Variants in B4GALT4 observed in about 807,000 individuals in gnomAD.
The protein encoded by B4GALT4 is beta-1,4-galactosyltransferase 4, also known as N-acetyllactosamine synthase.
A neutral mutation model predicts 37.3 loss-of-function variants in B4GALT4; 27 were observed. The observed-to-expected ratio is 0.72, with a 90% confidence interval of 0.53 to 1.00. B4GALT4 has a LOEUF of 1.00. B4GALT4 is among the 50% of genes least tolerant of loss of function. B4GALT4 has a pLI of 0.00. For synonymous variants in B4GALT4, 148 were observed against 154.1 expected (o/e 0.96, Z 0.29); for missense variants, 372 against 413.1 (o/e 0.90, Z 0.86).
intron 6 of B4GALT4, 111 bp from the exon 7 acceptor site, chr3:119,216,455 C>T (rs112212482): frequency 0.062 from 22,030 of 356,060 alleles, 644 homozygotes; most frequent in Middle Eastern, 0.093. Flanking sequence ...TACACACACA[C>T]ACACACACAC....
intron 5 of B4GALT4, among the ~76,000 whole-genome samples, chr3:119,219,252 G>A (rs866450887): frequency 2.0e-5 from 3 of 152,032 alleles, no homozygotes; most frequent in Non-Finnish European, 2.9e-5. Context: ...GACAGCTCCC[G>A]CACACACTCT....
chr3:119,212,248 A>G lies in B4GALT4; in HGVS notation c.*301T>C, dbSNP rs1290535163. On this transcript the variant is annotated 3_prime_UTR_variant, in exon 8 of 8. Transcript: ENST00000393765. ...TTCAAATTTAAATAAATCTCCTTCA[A>G]CCAGAGTCCTCAAATAGCGTTCATT... The G allele has an allele frequency of 5.7e-6, 4 of 702,606 alleles. No homozygotes were observed. The highest frequency in any genetic ancestry group is 1.7e-5 in the African/African-American group (1 of 57,202). The allele number at this position is 702,606 out of a possible 1,614,324, so 43.5% of individuals were successfully genotyped here.
intron 2 of B4GALT4, among the ~76,000 whole-genome samples, chr3:119,231,605 C>T (rs1436059857): frequency 1.3e-5 from 2 of 151,476 alleles, no homozygotes; most frequent in Admixed American, 6.6e-5. Context: ...ACAATATATA[C>T]AATTAAGGAA....
chr3:119,212,431 T>C lies in B4GALT4; in HGVS notation c.*118A>G, dbSNP rs2078183552. The C allele has an allele frequency of 1.9e-6, 2 of 1,075,068 alleles. No individual in the cohort carries two copies. The highest frequency in any genetic ancestry group is 2.1e-4 in the Middle Eastern group (1 of 4,782). The allele number at this position is 1,075,068 out of a possible 1,614,324, so 66.6% of individuals were successfully genotyped here. On this transcript the variant is annotated 3_prime_UTR_variant, in exon 8 of 8. Coordinates refer to ENST00000393765, the MANE Select transcript of B4GALT4 (RefSeq NM_003778.4). ...GCTAAGAAAATACAAAAAGGAAAAA[T>C]TCAGCTCAACAATGAGCTGTAACAG... is the stretch of plus-strand genomic sequence containing the variant.
At chr3:119,228,765 T>A (rs570729032) in intron 3 of B4GALT4, among the ~76,000 whole-genome samples, 1 of 146,322 alleles carries the variant, frequency 6.8e-6, no homozygotes, top group East Asian at 2.0e-4. Context: ...CTCTGGGAAG[T>A]AACTAGGTTT....
chr3:119,216,429 TACACACACACGCACATACACACACACAC>T (rs1195182226), intron 6 of B4GALT4, 85 bp from the exon 7 acceptor site: 10 of 595,750 alleles, frequency 1.7e-5, no homozygotes, highest in Middle Eastern at 4.0e-4. Flanking sequence ...CGAAAATTTA[TACACACACACGCACATACACACACACAC>T]ACACACACAC....
In B4GALT4 at chr3:119,221,220, T is replaced by C. The variant is rs78738368; in HGVS notation, c.675-2448A>G. On this transcript the variant is annotated intron_variant, in intron 5 of 7. Coordinates refer to ENST00000393765, the MANE Select transcript of B4GALT4 (RefSeq NM_003778.4). ...AAGGAGGCTGGTACCAAAGGAGTTC[T>C]TGCCAGTAAAATTTGCCACTGGCTG... Among the ~76,000 whole-genome samples, 114 of 152,334 alleles carry C rather than the reference T, an allele frequency of 7.5e-4. 4 individuals carry two copies. The East Asian group carries it at 0.021, about 28-fold the overall frequency.
chr3:119,221,050 TG>T (rs1252058003), intron 5 of B4GALT4, among the ~76,000 whole-genome samples: 1 of 152,230 alleles, frequency 6.6e-6, no homozygotes, highest in East Asian at 1.9e-4. Flanking sequence ...CTGTGTTTAT[TG>T]ATCTTTGCTT....
At chr3:119,227,980 G>A (rs1350225051) in intron 3 of B4GALT4, among the ~76,000 whole-genome samples, 1 of 152,152 alleles carries the variant, frequency 6.6e-6, no homozygotes, top group Non-Finnish European at 1.5e-5. Flanking sequence ...CACCCAAAGA[G>A]AATAATTGGC....
At chr3:119,231,571 A>G (rs951601282) in intron 2 of B4GALT4, among the ~76,000 whole-genome samples, 2 of 152,006 alleles carry the variant, frequency 1.3e-5, no homozygotes, top group African/African-American at 2.4e-5. Context: ...AGTAAGCCCT[A>G]TATCTGTGCT....
intron 7 of B4GALT4, 106 bp downstream of exon 7, chr3:119,216,134 C>A (rs1320412914): frequency 9.9e-6 from 9 of 911,586 alleles, no homozygotes; most frequent in Non-Finnish European, 9.2e-6. Flanking sequence ...TAATAAAAAT[C>A]TTTTAACACA....
chr3:119,230,327 C>T, intron 2 of B4GALT4, 83 bp from the exon 3 acceptor site: 1 of 585,516 alleles, frequency 1.7e-6, no homozygotes, highest in Non-Finnish European at 2.9e-6. Context: ...ACTGAAAACC[C>T]ATCCCCGATG....
rs765600479 is a variant in B4GALT4 at position 119,226,820 on chromosome 3, C to T, written c.475G>A (p.Val159Ile). The change falls in exon 4 of 8, where the codon GTC (valine) becomes ATC (isoleucine). Residue 159 changes from valine to isoleucine, a missense_variant. Transcript: ENST00000393765. ...GCCCCCACGCTCACCTGGTGGATGA[C>T]GTAGATGCCATAATCCAGCTGCTGC... ...QRQQLDYGIY[V>I]IHQAEGKKFN... 42 of 1,613,408 alleles carry T rather than the reference C, an allele frequency of 2.6e-5. No individual in the cohort carries two copies. Among genetic ancestry groups the T allele is most frequent in the Non-Finnish European group, 3.5e-5 (41 of 1,179,886 alleles).
chr3:119,238,618 T>C (rs977218224), intron 1 of B4GALT4, among the ~76,000 whole-genome samples: 10 of 152,156 alleles, frequency 6.6e-5, no homozygotes, highest in Admixed American at 6.5e-4. Context: ...GTTCTATTAT[T>C]AGATATTATT....
chr3:119,211,885 T>TCTGGTGGGCATCA lies in B4GALT4; in HGVS notation c.*651_*663dup. On this transcript the variant is annotated 3_prime_UTR_variant, in exon 8 of 8. Coordinates refer to ENST00000393765, the MANE Select transcript of B4GALT4 (RefSeq NM_003778.4). ...TTAAAAACTAATAGAGAATGTATTC[T>TCTGGTGGGCATCA]CTGGTGGGCATCACTGGAAGGCATA... 2.3e-6 allele frequency: 1 copy of TCTGGTGGGCATCA among 444,284 alleles called. No individual in the cohort carries two copies. Among genetic ancestry groups the TCTGGTGGGCATCA allele is most frequent in the Non-Finnish European group, 4.0e-6 (1 of 250,710 alleles). 27.5% of individuals were successfully genotyped at this position (444,284 alleles called of 1,614,324 possible). A position where few individuals can be genotyped will look rare whatever the true frequency, so the allele number is the denominator to read the frequency against.
Position 119,229,856 on chromosome 3 carries a change from G to A in B4GALT4, c.244C>T (p.Pro82Ser). The part of the protein sequence containing the change: ...VELDNCPSVS[P>S]YLRGQSKLIF... Reference sequence around the variant, plus strand: ...AAAAAGCAACACTTACTGAGGTAAGGAGACACAGAAGGGCAGTTGTCAAGT... The same window carrying A: ...AAAAAGCAACACTTACTGAGGTAAGAAGACACAGAAGGGCAGTTGTCAAGT... Residue 82 changes from proline to serine, a missense_variant, in exon 3 of 8, where the codon CCT (proline) becomes TCT (serine). Pro to Ser is a moderately conservative substitution (Grantham distance 74). Transcript: ENST00000393765. 6.2e-7 allele frequency: 1 copy of A among 1,614,086 alleles called. No individual in the cohort carries two copies. Among genetic ancestry groups the A allele is most frequent in the Non-Finnish European group, 8.5e-7 (1 of 1,179,982 alleles).
intron 2 of B4GALT4, among the ~76,000 whole-genome samples, chr3:119,236,531 A>ATAG (rs778370656): frequency 1.3e-5 from 2 of 152,322 alleles, no homozygotes; most frequent in East Asian, 3.9e-4. Context: ...TCAACAAATG[A>ATAG]TAGTAAATTA....
chr3:119,231,742 AATTT>A (rs1038822406), intron 2 of B4GALT4, among the ~76,000 whole-genome samples: 2 of 145,576 alleles, frequency 1.4e-5, no homozygotes, highest in African/African-American at 2.5e-5. Context: ...ATTTTTATAA[AATTT>A]ATTTTATAAA....
At position 119,216,609 on chromosome 3, in the gene B4GALT4, G is replaced by A. The variant is rs546126673; in HGVS notation, c.798-265C>T. ...CAGCATTTATTACTGGGGTACAAAGGAGATGTGTTAGTTTATACTTAGTCA... is the reference window on the plus strand; with the variant it reads ...CAGCATTTATTACTGGGGTACAAAGAAGATGTGTTAGTTTATACTTAGTCA... On this transcript the variant is annotated intron_variant, in intron 6 of 7. Transcript: ENST00000393765. Among the ~76,000 whole-genome samples, 6 of 152,110 alleles carry A rather than the reference G, an allele frequency of 3.9e-5. No individual in the cohort carries two copies. The South Asian group carries it at 6.2e-4, about 16-fold the overall frequency.
Sources: allele counts gnomAD v4.1 joint callset (sites outside exome capture counted in the v4.1 genomes callset), GRCh38; gene constraint gnomAD v4.1.1; transcripts MANE v1.5; gene names NCBI Gene and HGNC (gene_info 2026-07-23, HGNC 2026-07-21).